Variants in EEF1AKMT1 observed in about 807,000 individuals in gnomAD.
EEF1AKMT1 encodes N-6 adenine-specific DNA methyltransferase 2 (putative).
EEF1AKMT1 carries 18 observed loss-of-function variants against 21.0 expected under a neutral mutation model. The observed-to-expected ratio is 0.86, with a 90% CI of 0.59 to 1.27. The LOEUF is 1.27. EEF1AKMT1 is among the 50% of genes most tolerant of loss of function. The pLI is 0.00. For synonymous variants in EEF1AKMT1, 109 were observed against 94.8 expected (o/e 1.15, Z -0.87); for missense variants, 246 against 258.6 (o/e 0.95, Z 0.33).
chr13:20,739,300 A>T (rs58405525), intron 2 of EEF1AKMT1, among the ~76,000 whole-genome samples: 1 of 152,152 alleles, frequency 6.6e-6, no homozygotes, highest in Non-Finnish European at 1.5e-5. Flanking sequence ...ATTTATTGTG[A>T]GGAGCAAAAG....
At chr13:20,764,776 ACTT>A (rs1373180787) in intron 1 of EEF1AKMT1, among the ~76,000 whole-genome samples, 3 of 151,330 alleles carry the variant, frequency 2.0e-5, no homozygotes, top group African/African-American at 7.3e-5. Context: ...GTTCCTAGTG[ACTT>A]CTTTACTCTT....
In EEF1AKMT1 at chr13:20,766,310, AAAAAAG is replaced by A. The variant is rs1185137339; in HGVS notation, c.-20+7605_-20+7610del. On this transcript the variant is annotated intron_variant, in intron 1 of 4. Coordinates refer to ENST00000382758, the MANE Select transcript of EEF1AKMT1 (RefSeq NM_001318939.2). Reference sequence around the variant, plus strand: ...TGAGACTCCATCTCAAAAAAAAAAAAAAAAAGAAAGAAAGAAAAGAAAAAGAAAAAA... The same window carrying A: ...TGAGACTCCATCTCAAAAAAAAAAAAAAAGAAAGAAAAGAAAAAGAAAAAA... 4.6e-5 allele frequency among the ~76,000 whole-genome samples: 7 copies of A among 150,900 alleles called. No individual in the cohort carries two copies. The South Asian group carries it at 1.0e-3, about 22-fold the overall frequency.
At chr13:20,748,039 ACT>A (rs1033269943) in intron 2 of EEF1AKMT1, 1 of 219,798 alleles carries the variant, frequency 4.5e-6, no homozygotes, top group African/African-American at 2.3e-5. Context: ...TGGACTTGGG[ACT>A]CTCCTTGGGC....
chr13:20,735,366 G>T (rs1222198085), intron 3 of EEF1AKMT1, among the ~76,000 whole-genome samples: 1 of 152,184 alleles, frequency 6.6e-6, no homozygotes, highest in Non-Finnish European at 1.5e-5. Context: ...GAGGAGTGTT[G>T]TCTGGATGGG....
At chr13:20,739,319 T>C (rs911827325) in intron 2 of EEF1AKMT1, among the ~76,000 whole-genome samples, 2 of 152,184 alleles carry the variant, frequency 1.3e-5, no homozygotes, top group South Asian at 2.1e-4. Flanking sequence ...AGAACAAACC[T>C]TCCACAGCAT....
At chr13:20,747,462 C>CTTT (rs60730051) in intron 2 of EEF1AKMT1, 33,101 of 87,208 alleles carry the variant, frequency 0.38, 8,865 homozygotes, top group Non-Finnish European at 0.48. Context: ...TAGGCACATT[C>CTTT]TTTTTTTTTT....
At chr13:20,762,310 C>G (rs143551783) in intron 1 of EEF1AKMT1, among the ~76,000 whole-genome samples, 1,859 of 151,816 alleles carry the variant, frequency 0.012, 36 homozygotes, top group African/African-American at 0.042. Flanking sequence ...CAGCAGCATC[C>G]CCAGTAGCTG....
intron 1 of EEF1AKMT1, 148 bp from the exon 2 acceptor site, chr13:20,757,765 A>C (rs6490614): frequency 0.37 from 235,923 of 641,186 alleles, 49,798 homozygotes; most frequent in East Asian, 0.72. Flanking sequence ...TAAGCCCCCC[A>C]GCCAACTGAA....
At chr13:20,750,891 T>C (rs781200030) in intron 2 of EEF1AKMT1, among the ~76,000 whole-genome samples, 1 of 152,170 alleles carries the variant, frequency 6.6e-6, no homozygotes, top group Non-Finnish European at 1.5e-5. Flanking sequence ...TGGGATAACA[T>C]TACATCTCAC....
At chr13:20,765,548 G>A (rs2059026179) in intron 1 of EEF1AKMT1, among the ~76,000 whole-genome samples, 1 of 151,044 alleles carries the variant, frequency 6.6e-6, no homozygotes, top group Non-Finnish European at 1.5e-5. Flanking sequence ...CAGTGGCTGC[G>A]ATTACAAGCG....
intron 2 of EEF1AKMT1, among the ~76,000 whole-genome samples, chr13:20,739,107 G>C (rs920158739): frequency 1.3e-5 from 2 of 151,988 alleles, no homozygotes; most frequent in African/African-American, 4.8e-5. Context: ...GCAGACCTTC[G>C]CCAAGAGGAT....
Position 20,773,615 on chromosome 13 carries a change from A to T in EEF1AKMT1, c.-20+306T>A, listed in dbSNP as rs112572787. Among the ~76,000 whole-genome samples, 276 of 152,318 alleles carry T rather than the reference A, an allele frequency of 1.8e-3. 1 individual carries two copies. Among genetic ancestry groups the T allele is most frequent in the African/African-American group, 5.9e-3 (245 of 41,572 alleles). On this transcript the variant is annotated intron_variant, in intron 1 of 4. Transcript: ENST00000382758. ...CACGCGCTGCCGTAGCCTGGGGGTT[A>T]ATTTCCCCGTCAGCACCAAGGCTGC... is the stretch of plus-strand genomic sequence containing the variant.
rs60051116 is a variant in EEF1AKMT1 at position 20,732,206 on chromosome 13, G to A, written c.228-85C>T. Reference sequence around the variant, plus strand: ...AACTTCTTCACTAAACAATACATGGGTCCGAGTGCTCAGAGTTTCTTACAG... The same window carrying A: ...AACTTCTTCACTAAACAATACATGGATCCGAGTGCTCAGAGTTTCTTACAG... On this transcript the variant is annotated intron_variant, in intron 3 of 4. Coordinates refer to ENST00000382758, the MANE Select transcript of EEF1AKMT1 (RefSeq NM_001318939.2). 1.6e-3 allele frequency: 2,264 copies of A among 1,409,364 alleles called. 36 individuals are homozygous for A. The African/African-American group carries it at 0.029, about 18-fold the overall frequency. The allele number at this position is 1,409,364 out of a possible 1,614,324, so 87.3% of individuals were successfully genotyped here.
At chr13:20,760,552 G>GA (rs1285484149) in intron 1 of EEF1AKMT1, among the ~76,000 whole-genome samples, 17 of 152,116 alleles carry the variant, frequency 1.1e-4, no homozygotes, top group Admixed American at 1.1e-3. Flanking sequence ...GAGCCGGGAA[G>GA]AGTGGGGGAA....
intron 4 of EEF1AKMT1, 102 bp from the exon 5 acceptor site, chr13:20,729,318 T>C (rs776036405): frequency 1.5e-4 from 206 of 1,348,818 alleles, no homozygotes; most frequent in Non-Finnish European, 2.0e-4. Context: ...CCGGTGGCAA[T>C]TAGTTGACAA....
chr13:20,751,128 G>T (rs970291637), intron 2 of EEF1AKMT1, among the ~76,000 whole-genome samples: 4 of 152,104 alleles, frequency 2.6e-5, no homozygotes, highest in African/African-American at 9.7e-5. Flanking sequence ...TCAATGGGTT[G>T]CCTCTCCATT....
chr13:20,730,798 A>G (rs1262274981), intron 4 of EEF1AKMT1, among the ~76,000 whole-genome samples: 1 of 152,220 alleles, frequency 6.6e-6, no homozygotes, highest in Non-Finnish European at 1.5e-5. Context: ...GGGCAGGGAC[A>G]AACGAGGGAA....
At chr13:20,744,520 C>T (rs1341065803) in intron 2 of EEF1AKMT1, among the ~76,000 whole-genome samples, 1 of 152,186 alleles carries the variant, frequency 6.6e-6, no homozygotes, top group Admixed American at 6.5e-5. Flanking sequence ...CCTTTGCCCA[C>T]TTTTTGATGG....
chr13:20,768,437 C>T (rs2059047409), intron 1 of EEF1AKMT1, among the ~76,000 whole-genome samples: 1 of 152,168 alleles, frequency 6.6e-6, no homozygotes, highest in Non-Finnish European at 1.5e-5. Flanking sequence ...AGACACTATT[C>T]TTGGTCTTGA....
Sources: allele counts gnomAD v4.1 joint callset (sites outside exome capture counted in the v4.1 genomes callset), GRCh38; gene constraint gnomAD v4.1.1; transcripts MANE v1.5; gene names NCBI Gene and HGNC (gene_info 2026-07-23, HGNC 2026-07-21).